The following TP63 variants were observed in gnomAD, a reference collection of about 807,000 sequenced individuals.
The protein encoded by TP63 is tumor protein p63.
TP63 carries 17 observed loss-of-function variants against 82.8 expected under a neutral mutation model. The ratio of observed to expected loss-of-function variants is 0.21; its 90% CI spans 0.14 to 0.31. The LOEUF (loss-of-function observed/expected upper bound fraction) is 0.31. Ranked by LOEUF, TP63 falls within the 10% of genes least tolerant of loss-of-function variation. The probability of loss-of-function intolerance (pLI) is 1.00; values close to 1 mark genes in which losing one functional copy is unlikely to be tolerated. For synonymous variants in TP63, 330 were observed against 321.7 expected (o/e 1.03, Z -0.28); for missense variants, 648 against 895.3 (o/e 0.72, Z 3.52).
intron 1 of TP63, among the ~76,000 whole-genome samples, chr3:189,685,672 A>C (rs1716375921): frequency 6.6e-6 from 1 of 152,200 alleles, no homozygotes; most frequent in Non-Finnish European, 1.5e-5. Flanking sequence ...AAGAAAAGAA[A>C]GCTTTTTCTC....
intron 3 of TP63, among the ~76,000 whole-genome samples, chr3:189,752,212 C>T (rs1479478943): frequency 6.6e-6 from 1 of 152,120 alleles, no homozygotes; most frequent in African/African-American, 2.4e-5. Context: ...TGTCCCTCTT[C>T]ACCCAGGCTG....
At chr3:189,884,983 A>G (rs1720289693) in intron 10 of TP63, among the ~76,000 whole-genome samples, 1 of 152,206 alleles carries the variant, frequency 6.6e-6, no homozygotes, top group Admixed American at 6.5e-5. Context: ...TTTTTCAAAT[A>G]TTATGCCATA....
chr3:189,889,212 A>T (rs1456651745), intron 11 of TP63, 128 bp from the exon 12 acceptor site: 1 of 1,340,844 alleles, frequency 7.5e-7, no homozygotes, highest in Non-Finnish European at 1.1e-6. Context: ...GTGTAGTGAG[A>T]GCGAAGATTA....
At chr3:189,885,335 C>T (rs1337780909) in intron 10 of TP63, among the ~76,000 whole-genome samples, 2 of 152,170 alleles carry the variant, frequency 1.3e-5, no homozygotes, top group African/African-American at 4.8e-5. Context: ...CCATTGCCTC[C>T]ACTACTCTAT....
chr3:189,816,007 T>C (rs917075873), intron 4 of TP63, among the ~76,000 whole-genome samples: 1 of 152,172 alleles, frequency 6.6e-6, no homozygotes, highest in African/African-American at 2.4e-5. Flanking sequence ...TACTTGGAAG[T>C]TTATTGTTTG....
intron 10 of TP63, chr3:189,873,286 C>T (rs1017579731): frequency 1.1e-5 from 5 of 468,738 alleles, no homozygotes; most frequent in Non-Finnish European, 2.0e-5. Flanking sequence ...CTGGTCCATA[C>T]ACACTAACAG....
chr3:189,718,778 T>C (rs1286378656), intron 1 of TP63, among the ~76,000 whole-genome samples: 1 of 151,974 alleles, frequency 6.6e-6, no homozygotes, highest in Admixed American at 6.6e-5. Flanking sequence ...GTAGAGAACC[T>C]ATACATGTAA....
At chr3:189,849,485 C>T (rs2108762074) in intron 4 of TP63, among the ~76,000 whole-genome samples, 1 of 152,092 alleles carries the variant, frequency 6.6e-6, no homozygotes, top group Non-Finnish European at 1.5e-5. Flanking sequence ...TGAAAAACTC[C>T]CACACATTTG....
intron 3 of TP63, among the ~76,000 whole-genome samples, chr3:189,757,038 T>C (rs1722236911): frequency 6.6e-6 from 1 of 152,222 alleles, no homozygotes; most frequent in Non-Finnish European, 1.5e-5. Flanking sequence ...TCCTTTCCTT[T>C]GGCAAAATAT....
chr3:189,828,233 T>C (rs1277175972), intron 4 of TP63, among the ~76,000 whole-genome samples: 4 of 142,786 alleles, frequency 2.8e-5, no homozygotes, highest in Admixed American at 7.1e-5. Context: ...AGAGCGAGAC[T>C]CCATCTCAAA....
At chr3:189,881,161 G>C (rs1719870719) in intron 10 of TP63, 1 of 983,586 alleles carries the variant, frequency 1.0e-6, no homozygotes, top group South Asian at 4.7e-5. Flanking sequence ...ATACTGTTCA[G>C]TGCATTTAGC....
At chr3:189,798,502 T>A (rs1185456870) in intron 3 of TP63, among the ~76,000 whole-genome samples, 3 of 152,052 alleles carry the variant, frequency 2.0e-5, no homozygotes, top group African/African-American at 7.2e-5. Flanking sequence ...ATGTGTTTGA[T>A]TAAAAAAAAG....
intron 10 of TP63, among the ~76,000 whole-genome samples, chr3:189,874,650 G>A (rs925865232): frequency 6.6e-6 from 1 of 152,174 alleles, no homozygotes; most frequent in Admixed American, 6.5e-5. Flanking sequence ...AGGAGAATTA[G>A]AACTCAGAGT....
intron 1 of TP63, among the ~76,000 whole-genome samples, chr3:189,737,250 G>A (rs1720660152): frequency 6.6e-6 from 1 of 151,970 alleles, no homozygotes; most frequent in Non-Finnish European, 1.5e-5. Context: ...GGTTATGGGA[G>A]GGATGACTAA....
At chr3:189,732,748 G>A (rs1458171630) in intron 1 of TP63, among the ~76,000 whole-genome samples, 1 of 152,182 alleles carries the variant, frequency 6.6e-6, no homozygotes, top group Non-Finnish European at 1.5e-5. Flanking sequence ...TCCAAAACTT[G>A]CAATTCTTCA....
At chr3:189,730,602 G>A (rs190824584) in intron 1 of TP63, among the ~76,000 whole-genome samples, 18 of 152,244 alleles carry the variant, frequency 1.2e-4, no homozygotes, top group Middle Eastern at 3.4e-3. Context: ...CTTGCTGAAC[G>A]TAAAGATCAT....
At chr3:189,648,565 T>C (rs1368114257) in intron 1 of TP63, among the ~76,000 whole-genome samples, 1 of 147,244 alleles carries the variant, frequency 6.8e-6, no homozygotes, top group African/African-American at 2.5e-5. Context: ...CAATTTCTTT[T>C]AAATGAGTGA....
intron 1 of TP63, among the ~76,000 whole-genome samples, chr3:189,697,264 G>T (rs1373131433): frequency 1.5e-5 from 2 of 132,690 alleles, no homozygotes; most frequent in African/African-American, 2.8e-5. Flanking sequence ...ATGGACACTC[G>T]ATTGTTTCAG....
intron 3 of TP63, among the ~76,000 whole-genome samples, chr3:189,787,897 C>G (rs149543253): frequency 2.6e-5 from 4 of 151,972 alleles, no homozygotes; most frequent in Non-Finnish European, 5.9e-5. Flanking sequence ...TCTGGGGCCA[C>G]GTCCAGAAAT....
Sources: gnomAD v4.1 joint callset for allele counts (sites outside exome capture counted in the v4.1 genomes callset) on GRCh38, gnomAD v4.1.1 for gene constraint, MANE v1.5 for transcripts, NCBI Gene and HGNC (gene_info 2026-07-23, HGNC 2026-07-21) for gene names.